Variants in DIP2B observed in about 807,000 individuals in gnomAD.
DIP2B encodes the protein DIP2 acetate--CoA ligase B (putative).
DIP2B carries 76 observed loss-of-function variants against 198.0 expected under a neutral mutation model. That is an observed-to-expected ratio of 0.38 (90% CI 0.32 to 0.46). DIP2B has a LOEUF of 0.46. Ranked by LOEUF, DIP2B falls within the 20% of genes least tolerant of loss-of-function variation. The pLI is 0.99. For synonymous variants in DIP2B, 701 were observed against 739.1 expected (o/e 0.95, Z 0.84); for missense variants, 1,559 against 1,978.4 (o/e 0.79, Z 4.02).
intron 1 of DIP2B, among the ~76,000 whole-genome samples, chr12:50,540,642 G>A (rs1259751431): frequency 5.4e-5 from 8 of 148,990 alleles, no homozygotes; most frequent in Non-Finnish European, 1.0e-4. Flanking sequence ...TCCGCCTCCC[G>A]GATTCACGCC....
chr12:50,528,435 CA>C (rs937114660), intron 1 of DIP2B, among the ~76,000 whole-genome samples: 241 of 129,570 alleles, frequency 1.9e-3, no homozygotes, highest in East Asian at 3.3e-3. Flanking sequence ...ACCTGCTTTC[CA>C]AAAAAAAAAA....
At chr12:50,514,065 CTTTTT>C (rs71083583) in intron 1 of DIP2B, among the ~76,000 whole-genome samples, 2 of 118,814 alleles carry the variant, frequency 1.7e-5, no homozygotes, top group Non-Finnish European at 1.8e-5. Flanking sequence ...ACTCAGTTGT[CTTTTT>C]TTTTTTTTTT....
At chr12:50,612,427 TAAC>T (rs1242714504) in intron 1 of DIP2B, among the ~76,000 whole-genome samples, 4 of 145,794 alleles carry the variant, frequency 2.7e-5, no homozygotes, top group Non-Finnish European at 6.0e-5. Context: ...TTTTTCATAA[TAAC>T]TTTTTTTTTT....
At chr12:50,643,342 G>A (rs1593681079) in intron 3 of DIP2B, among the ~76,000 whole-genome samples, 1 of 148,974 alleles carries the variant, frequency 6.7e-6, no homozygotes, top group East Asian at 2.0e-4. Flanking sequence ...GGAGATTGTT[G>A]GTTAGGTGCA....
At chr12:50,687,601 G>A (rs1486570587) in intron 12 of DIP2B, among the ~76,000 whole-genome samples, 3 of 151,990 alleles carry the variant, frequency 2.0e-5, no homozygotes, top group African/African-American at 7.3e-5. Flanking sequence ...AGATGAAGCT[G>A]GAAGCCATCA....
At chr12:50,646,941 G>T (rs1260639345) in intron 3 of DIP2B, among the ~76,000 whole-genome samples, 2 of 151,874 alleles carry the variant, frequency 1.3e-5, no homozygotes, top group African/African-American at 4.8e-5. Flanking sequence ...ATTCAGTTCA[G>T]CAAGCATTTA....
rs143846223 is a variant in DIP2B, at chr12:50,726,984, G to A, written c.3401-719G>A. ...TTTTATTTAATTAGCTAGGCATGGT[G>A]GCATGGACCTGTAGTCCCAGCTGCT... On this transcript the variant is annotated intron_variant, in intron 28 of 37. Transcript: ENST00000301180. 4.6e-3 allele frequency among the ~76,000 whole-genome samples: 697 copies of A among 152,194 alleles called. 8 individuals carry two copies. The highest frequency in any genetic ancestry group is 0.016 in the African/African-American group (658 of 41,528).
At chr12:50,604,562 G>T (rs1399634762) in intron 1 of DIP2B, among the ~76,000 whole-genome samples, 1 of 152,132 alleles carries the variant, frequency 6.6e-6, no homozygotes, top group African/African-American at 2.4e-5. Context: ...GGCTCAAGCG[G>T]TCCTCCTGTC....
intron 1 of DIP2B, among the ~76,000 whole-genome samples, chr12:50,615,256 C>G (rs1937676736): frequency 6.6e-6 from 1 of 152,084 alleles, no homozygotes; most frequent in African/African-American, 2.4e-5. Context: ...CACCCCCTCC[C>G]CCGCCATTTC....
chr12:50,704,597 A>G (rs888817312), intron 20 of DIP2B, among the ~76,000 whole-genome samples: 2 of 152,238 alleles, frequency 1.3e-5, no homozygotes, highest in African/African-American at 2.4e-5. Context: ...AAGACAAACT[A>G]TAATACATAG....
At chr12:50,576,547 C>T (rs1012107717) in intron 1 of DIP2B, among the ~76,000 whole-genome samples, 107 of 151,962 alleles carry the variant, frequency 7.0e-4, no homozygotes, top group Non-Finnish European at 6.8e-4. Flanking sequence ...GGCGCGATCT[C>T]GGCTCACTGC....
At position 50,686,624 on chromosome 12, in the gene DIP2B, C is replaced by G. The variant is rs756852406; in HGVS notation, c.1493C>G (p.Pro498Arg). 1.2e-6 allele frequency: 2 copies of G among 1,614,046 alleles called. No homozygotes were observed. Among genetic ancestry groups the G allele is most frequent in the Admixed American group, 3.3e-5 (2 of 60,004 alleles). ...ACAGATTCCAAGTACCTTTCAAAGC[C>G]ACCGAAAGACTGGCAGCCACACATC... The part of the protein sequence containing the change: ...VVTDSKYLSK[P>R]PKDWQPHISP... The change falls in exon 12 of 38, where the codon CCA becomes CGA. Residue 498 changes from proline (P) to arginine (R), a missense_variant. Transcript: ENST00000301180.
At chr12:50,672,116 C>G in intron 5 of DIP2B, among the ~76,000 whole-genome samples, 1 of 152,020 alleles carries the variant, frequency 6.6e-6, no homozygotes, top group East Asian at 1.9e-4. Flanking sequence ...GATATCTTTC[C>G]CTTTTTTTTC....
intron 24 of DIP2B, 58 bp from the exon 25 acceptor site, chr12:50,718,897 T>G: frequency 6.2e-7 from 1 of 1,612,084 alleles, no homozygotes; most frequent in Non-Finnish European, 8.5e-7. Context: ...GGGGGATGCA[T>G]TATATGACTT....
chr12:50,533,770 T>A (rs1195166838), intron 1 of DIP2B, among the ~76,000 whole-genome samples: 2 of 152,192 alleles, frequency 1.3e-5, no homozygotes, highest in Middle Eastern at 3.4e-3. Context: ...TAAATTTTTT[T>A]AGACAGAGAT....
rs1324852160 is a variant in DIP2B at position 50,524,691 on chromosome 12, C to T, written c.100+19451C>T. Among the ~76,000 whole-genome samples the T allele has an allele frequency of 2.6e-5, 4 of 152,246 alleles. No individual in the cohort carries two copies. The East Asian group carries it at 5.8e-4, about 22-fold the overall frequency. On this transcript the variant is annotated intron_variant, in intron 1 of 37. Transcript: ENST00000301180. ...ACCCCTCCCCTTAGGGGGCTTACAT[C>T]TGTAGCTGTAGACAGAGAATAACAA...
intron 17 of DIP2B, 152 bp from the exon 18 acceptor site, chr12:50,698,176 C>A: frequency 1.1e-6 from 1 of 950,190 alleles, no homozygotes; most frequent in Non-Finnish European, 1.5e-6. Context: ...AGGTGTGAGA[C>A]ACCACACCCA....
In DIP2B at chr12:50,609,270, A is replaced by G. The variant is rs888462230; in HGVS notation, c.101-16706A>G. On this transcript the variant is annotated intron_variant, in intron 1 of 37. Coordinates refer to ENST00000301180, the MANE Select transcript of DIP2B (RefSeq NM_173602.3). Reference sequence around the variant, plus strand: ...GTTTATGGTTCTGGTGGAGACACCAAGTAGCAGCAATTATTTGTTGCCACT... The same window carrying G: ...GTTTATGGTTCTGGTGGAGACACCAGGTAGCAGCAATTATTTGTTGCCACT... Among the ~76,000 whole-genome samples the G allele has an allele frequency of 3.3e-5, 5 of 152,380 alleles. No homozygotes were observed. In the South Asian group the frequency reaches 8.3e-4, roughly 25 times the overall value.
intron 1 of DIP2B, among the ~76,000 whole-genome samples, chr12:50,548,659 G>A (rs1274394697): frequency 6.6e-6 from 1 of 152,146 alleles, no homozygotes; most frequent in Non-Finnish European, 1.5e-5. Flanking sequence ...CCAAGTAGCT[G>A]GGACTACAGG....
Sources: allele counts gnomAD v4.1 joint callset (sites outside exome capture counted in the v4.1 genomes callset), GRCh38; gene constraint gnomAD v4.1.1; transcripts MANE v1.5; gene names NCBI Gene and HGNC (gene_info 2026-07-23, HGNC 2026-07-21).